MARF1: variants seen among roughly 807,000 people sequenced by gnomAD.
MARF1 encodes the protein limkain-b1.
A neutral mutation model predicts 168.2 loss-of-function variants in MARF1; 24 were observed. The observed-to-expected ratio is 0.14, with a 90% CI of 0.10 to 0.20. The LOEUF (loss-of-function observed/expected upper bound fraction) is 0.20, where lower values mean the gene tolerates loss of function less well. Ranked by LOEUF, MARF1 falls within the 10% of genes least tolerant of loss-of-function variation. The probability of loss-of-function intolerance (pLI) is 1.00; values close to 1 mark genes in which losing one functional copy is unlikely to be tolerated. For synonymous variants in MARF1, 868 were observed against 822.4 expected (o/e 1.06, Z -0.95); for missense variants, 1,744 against 2,143.6 (o/e 0.81, Z 3.68).
Position 15,600,534 on chromosome 16 carries a change from A to T in MARF1, c.4707T>A (p.Ser1569Arg), listed in dbSNP as rs762163133. The change falls in exon 25 of 27, where the codon AGT (serine) becomes AGA (arginine). Residue 1569 changes from serine (S) to arginine (R), a missense_variant. Coordinates refer to ENST00000396368, the MANE Select transcript of MARF1 (RefSeq NM_014647.4). ...NDMKSRLSSL[S>R]LSPANHENQP... ...GGTTTTCATGATTGGCAGGGGAGAGACTGAGTGAACTCAAACGACCTACAG... is the reference window on the plus strand; with the variant it reads ...GGTTTTCATGATTGGCAGGGGAGAGTCTGAGTGAACTCAAACGACCTACAG... 1 of 1,614,182 alleles carries T rather than the reference A, an allele frequency of 6.2e-7. No individual in the cohort carries two copies.
At position 15,597,949 on chromosome 16, in the gene MARF1, T is replaced by C. The variant is rs551032000; in HGVS notation, c.4984+905A>G. On this transcript the variant is annotated intron_variant, in intron 26 of 26. Coordinates refer to ENST00000396368, the MANE Select transcript of MARF1 (RefSeq NM_014647.4). ...TTTCCAAGTCAACAGCCTCAGTTCT[T>C]TTCCTGGGCAACAGTGCTGAACGCT... 9.2e-5 allele frequency among the ~76,000 whole-genome samples: 14 copies of C among 152,284 alleles called. No homozygotes were observed. The East Asian group carries it at 1.7e-3, about 19-fold the overall frequency.
rs754775295 is a variant in MARF1, at chr16:15,602,215, GA to G, written c.4414-13del. 24 of 1,609,038 alleles carry G rather than the reference GA, an allele frequency of 1.5e-5. No homozygotes were observed. In the East Asian group the frequency reaches 5.1e-4, roughly 34 times the overall value. On this transcript the variant is annotated splice_polypyrimidine_tract_variant and intron_variant, in intron 22 of 26. Transcript: ENST00000396368. Reference sequence around the variant, plus strand: ...TCATTAGTGAAAACCTGGTTAAAAAGAAAACGCAGCATTAGAAATATTAGTG... The same window carrying G: ...TCATTAGTGAAAACCTGGTTAAAAAGAAACGCAGCATTAGAAATATTAGTG...
At chr16:15,608,058 A>G (rs2033167466) in intron 21 of MARF1, among the ~76,000 whole-genome samples, 1 of 152,200 alleles carries the variant, frequency 6.6e-6, no homozygotes, top group Non-Finnish European at 1.5e-5. Context: ...TGCTTTGGCA[A>G]GGCCATTCAG....
At position 15,611,596 on chromosome 16, in the gene MARF1, G is replaced by A; in HGVS notation, c.3613C>T (p.His1205Tyr). Residue 1205 changes from histidine (H) to tyrosine (Y), a missense_variant, in exon 18 of 27, where the codon CAC (histidine) becomes TAC (tyrosine). Around this residue, in one of 7 missense-constraint regions of MARF1, gnomAD observed 543 missense variants for 742.1 expected, o/e 0.73. Transcript: ENST00000396368. ...CTGTTCTTTTCATCAACTCACCAGT[G>A]ATAAGCCTGTGAGAATTCTCTCACA... ...VIVREFSQAY[H>Y]WCFSKDWDVT... 2 of 1,613,750 alleles carry A rather than the reference G, an allele frequency of 1.2e-6. No individual in the cohort carries two copies. Among genetic ancestry groups the A allele is most frequent in the South Asian group, 1.1e-5 (1 of 91,064 alleles).
At chr16:15,636,449 C>T (rs2151304290) in intron 2 of MARF1, 107 bp from the exon 3 acceptor site, 2 of 773,854 alleles carry the variant, frequency 2.6e-6, no homozygotes, top group Admixed American at 3.0e-5. Context: ...AATTCTGTTA[C>T]ATCACTAAAT....
In MARF1 at chr16:15,643,076, C is replaced by A. The variant is rs938360242; in HGVS notation, c.-117G>T. On this transcript the variant is annotated 5_prime_UTR_variant, in exon 1 of 27. Transcript: ENST00000396368. ...GGCCCCGCCGCCTTCCCCCCGCCCC[C>A]CCCAGGCCCTTTGTTTTGATTCCCG... is the stretch of plus-strand genomic sequence containing the variant. The A allele has an allele frequency of 7.7e-5, 23 of 297,870 alleles. No homozygotes were observed. The highest frequency in any genetic ancestry group is 1.5e-4 in the East Asian group (1 of 6,468). The allele number at this position is 297,870 out of a possible 1,614,324, so 18.5% of individuals were successfully genotyped here.
rs2033485736 is a variant in MARF1 at position 15,611,013 on chromosome 16, T to C, written c.3713A>G (p.Gln1238Arg). The change falls in exon 19 of 27, where the codon CAA becomes CGA. Residue 1238 changes from glutamine (Q) to arginine (R), a missense_variant. Around this residue, in one of 7 missense-constraint regions of MARF1, gnomAD observed 543 missense variants for 742.1 expected, o/e 0.73. Coordinates refer to ENST00000396368, the MANE Select transcript of MARF1 (RefSeq NM_014647.4). ...EIPDTTICLS[Q>R]QDNEMVICIP... Reference sequence around the variant, plus strand: ...ACAAATCACCATTTCATTATCTTGTTGGGACAAGCAGATGGTTGTGTCTGG... The same window carrying C: ...ACAAATCACCATTTCATTATCTTGTCGGGACAAGCAGATGGTTGTGTCTGG... 6.2e-7 allele frequency: 1 copy of C among 1,613,896 alleles called. No homozygotes were observed. The highest frequency in any genetic ancestry group is 1.7e-5 in the Admixed American group (1 of 59,994).
At chr16:15,628,608 C>A (rs1307287772) in intron 7 of MARF1, among the ~76,000 whole-genome samples, 1 of 152,020 alleles carries the variant, frequency 6.6e-6, no homozygotes, top group Non-Finnish European at 1.5e-5. Context: ...GGGGTTTCGC[C>A]ACATCGGCCA....
intron 1 of MARF1, 31 bp from the exon 2 acceptor site, chr16:15,639,322 T>C (rs1004744645): frequency 4.2e-6 from 6 of 1,428,286 alleles, no homozygotes; most frequent in Admixed American, 2.2e-5. Flanking sequence ...TTCAGTGTTA[T>C]TTCCTTGCAT....
At chr16:15,633,158 TAA>T (rs71134442) in intron 5 of MARF1, among the ~76,000 whole-genome samples, 5 of 125,118 alleles carry the variant, frequency 4.0e-5, no homozygotes, top group Non-Finnish European at 5.1e-5. Flanking sequence ...ATCAGAATTC[TAA>T]AAAAAAAAAA....
rs762328176 is a variant in MARF1, at chr16:15,612,563, T to C, written c.3468A>G (p.Val1156=). ...ATCCCGTGACACGCCTTACCTGCAA[T>C]ACATGAGGCACTGCTTCTAATAACT... The part of the protein sequence containing the change: ...LIELLEAVPH[V]LQILGMGSKR... The change falls in exon 17 of 27, where the codon GTA becomes GTG. Residue 1156 remains valine (V), a synonymous_variant. Transcript: ENST00000396368. 1.2e-6 allele frequency: 2 copies of C among 1,613,558 alleles called. No individual in the cohort carries two copies. The highest frequency in any genetic ancestry group is 1.1e-5 in the South Asian group (1 of 91,078).
chr16:15,614,477 G>A (rs1206452359), intron 16 of MARF1, among the ~76,000 whole-genome samples: 3 of 82,104 alleles, frequency 3.7e-5, no homozygotes, highest in Admixed American at 1.7e-4. Flanking sequence ...GGGTGACTCC[G>A]TCTCAAAAAA....
At chr16:15,634,328 G>A (rs192792464) in intron 4 of MARF1, among the ~76,000 whole-genome samples, 22 of 152,262 alleles carry the variant, frequency 1.4e-4, no homozygotes, top group Middle Eastern at 3.4e-3. Flanking sequence ...TTTTAAAAAT[G>A]TTTTCAAAAC....
chr16:15,641,992 C>T (rs1567600905), intron 1 of MARF1, among the ~76,000 whole-genome samples: 1 of 152,182 alleles, frequency 6.6e-6, no homozygotes, highest in Non-Finnish European at 1.5e-5. Context: ...TGTCGACTGT[C>T]TGCATTTTGG....
intron 7 of MARF1, among the ~76,000 whole-genome samples, chr16:15,627,386 A>G (rs949854732): frequency 1.4e-4 from 21 of 152,086 alleles, no homozygotes; most frequent in Non-Finnish European, 1.5e-5. Flanking sequence ...TTGCGAGGCC[A>G]AAGCGGGTGA....
At chr16:15,601,243 G>A in intron 23 of MARF1, 1 of 370,358 alleles carries the variant, frequency 2.7e-6, no homozygotes, top group South Asian at 2.1e-5. Flanking sequence ...GGCAAGCTTT[G>A]CCTGGGTCCT....
chr16:15,624,077 A>C (rs2034664083), intron 10 of MARF1, among the ~76,000 whole-genome samples: 1 of 151,434 alleles, frequency 6.6e-6, no homozygotes, highest in African/African-American at 2.4e-5. Context: ...ACGCCCGGCT[A>C]ATTTTTTGTA....
At chr16:15,615,809 G>A in intron 16 of MARF1, 21 bp downstream of exon 16, 1 of 1,497,840 alleles carries the variant, frequency 6.7e-7, no homozygotes. Context: ...GTAGCTCCAG[G>A]ACAAAATACC....
chr16:15,625,877 G>C (rs1472963820), intron 7 of MARF1, 77 bp from the exon 8 acceptor site: 1 of 1,196,180 alleles, frequency 8.4e-7, no homozygotes, highest in African/African-American at 1.5e-5. Context: ...AACAATGGGT[G>C]ACCTCCAAAC....
Sources: allele counts gnomAD v4.1 joint callset (sites outside exome capture counted in the v4.1 genomes callset), GRCh38; gene constraint gnomAD v4.1.1; regional missense constraint gnomAD v4.1.1; transcripts MANE v1.5; gene names NCBI Gene and HGNC (gene_info 2026-07-23, HGNC 2026-07-21).